Variants in OOSP4A observed in about 807,000 individuals in gnomAD.
OOSP4A encodes the protein oocyte-secreted protein 4A.
At chr11:59,969,873 T>C (rs1196710435) in intron 4 of OOSP4A, among the ~76,000 whole-genome samples, 176 bp from the exon 5 acceptor site, 4 of 152,222 alleles carry the variant, frequency 2.6e-5, no homozygotes, top group Non-Finnish European at 5.9e-5. Context: ...TATGTGTGTA[T>C]ACATGTGTAT....
chr11:59,970,088 T>G, exon 5 of OOSP4A: 1 of 398,218 alleles, frequency 2.5e-6, no homozygotes, highest in Non-Finnish European at 4.4e-6. Context: ...TTGTATCCCT[T>G]CCTAAGTGTA....
At chr11:59,964,148 CTT>C (rs397848906) in intron 1 of OOSP4A, 49 bp downstream of exon 1, 36,481 of 304,366 alleles carry the variant, frequency 0.12, 48 homozygotes, top group East Asian at 0.17. Flanking sequence ...ATCAGCAGGG[CTT>C]TTTTTTTTTT....
intron 2 of OOSP4A, among the ~76,000 whole-genome samples, chr11:59,966,339 C>T (rs1408694694): frequency 7.1e-6 from 1 of 141,666 alleles, no homozygotes; most frequent in East Asian, 2.0e-4. Flanking sequence ...TCTCTAGTCT[C>T]AAAAAAAAAA....
chr11:59,968,534 A>G (rs946625373), intron 3 of OOSP4A, among the ~76,000 whole-genome samples: 2 of 152,176 alleles, frequency 1.3e-5, no homozygotes, highest in African/African-American at 2.4e-5. Flanking sequence ...AATACAGCTA[A>G]AATGTTGATA....
intron 2 of OOSP4A, among the ~76,000 whole-genome samples, chr11:59,966,697 A>G (rs1488732130): frequency 6.6e-6 from 1 of 152,208 alleles, no homozygotes; most frequent in Admixed American, 6.5e-5. Context: ...GATGGTCTCA[A>G]TCTCTTGACC....
downstream of OOSP4A, chr11:59,970,211 T>C (rs1854140741): frequency 2.5e-6 from 1 of 396,202 alleles, no homozygotes; most frequent in Admixed American, 4.4e-5. Flanking sequence ...GATATTGTCT[T>C]TTATCATTTC....
At chr11:59,969,484 A>G (rs73493154) in intron 4 of OOSP4A, among the ~76,000 whole-genome samples, 200 bp downstream of exon 4, 4,151 of 152,310 alleles carry the variant, frequency 0.027, 193 homozygotes, top group African/African-American at 0.092. Flanking sequence ...ATTTCCTTAC[A>G]TAAAACAGAT....
intron 1 of OOSP4A, 58 bp downstream of exon 1, chr11:59,964,157 T>C (rs1490933577): frequency 7.6e-6 from 3 of 396,812 alleles, no homozygotes; most frequent in Non-Finnish European, 1.3e-5. Flanking sequence ...GCTTTTTTTT[T>C]TTTTTTTTTT....
intron 4 of OOSP4A, among the ~76,000 whole-genome samples, chr11:59,969,791 G>A (rs2134587794): frequency 6.6e-6 from 1 of 152,174 alleles, no homozygotes; most frequent in South Asian, 2.1e-4. Flanking sequence ...ACTTCAGATG[G>A]TGTCCTCATG....
chr11:59,967,127 T>G (rs531615619), exon 3 of OOSP4A: 1 of 398,226 alleles, frequency 2.5e-6, no homozygotes, highest in Non-Finnish European at 4.4e-6. Flanking sequence ...GAATTTTGAC[T>G]TCAATTTACA....
At chr11:59,964,456 G>C (rs566679841) in intron 1 of OOSP4A, among the ~76,000 whole-genome samples, 2 of 152,148 alleles carry the variant, frequency 1.3e-5, no homozygotes, top group East Asian at 3.9e-4. Flanking sequence ...CCTAAGAGAG[G>C]AGGTTACCTA....
At chr11:59,970,007 C>A in intron 4 of OOSP4A, 42 bp from the exon 5 acceptor site, 1 of 397,564 alleles carries the variant, frequency 2.5e-6, no homozygotes, top group South Asian at 1.3e-4. Context: ...GGTAGTTTCC[C>A]ATCAGTACAA....
At chr11:59,965,782 AAAAC>A in intron 2 of OOSP4A, 69 bp downstream of exon 2, 1 of 397,632 alleles carries the variant, frequency 2.5e-6, no homozygotes. Context: ...ACCAATGACT[AAAAC>A]TGCAGTATTC....
In OOSP4A at chr11:59,964,116, A is replaced by G. The variant is rs191055631; in HGVS notation, c.67+17A>G. The G allele has an allele frequency of 1.6e-5, 6 of 375,688 alleles. No homozygotes were observed. The East Asian group carries it at 2.2e-4, about 14-fold the overall frequency. 23.3% of individuals were successfully genotyped at this position (375,688 alleles called of 1,614,324 possible). A position where few individuals can be genotyped will look rare whatever the true frequency, so the allele number is the denominator to read the frequency against. On this transcript the variant is annotated intron_variant, in intron 1 of 4. Coordinates refer to ENST00000645590, the Ensembl canonical transcript of OOSP4A. ...TCCAAGATTGTAAGAAAAAGAGGGA[A>G]TTTTTGGAGGTGGCAATTTCAATCA... is the stretch of plus-strand genomic sequence containing the variant.
chr11:59,965,977 T>TTTG (rs547388889), intron 2 of OOSP4A, among the ~76,000 whole-genome samples: 1,590 of 152,226 alleles, frequency 0.01, 30 homozygotes, highest in African/African-American at 0.035. Context: ...TAGTGTTTTT[T>TTTG]TTGTTGTTGT....
intron 4 of OOSP4A, among the ~76,000 whole-genome samples, 175 bp from the exon 5 acceptor site, chr11:59,969,874 A>G (rs1234471462): frequency 6.6e-6 from 1 of 152,212 alleles, no homozygotes; most frequent in African/African-American, 2.4e-5. Context: ...ATGTGTGTAT[A>G]CATGTGTATA....
At chr11:59,965,588 C>T (rs1854090765) in exon 2 of OOSP4A, 2 of 398,422 alleles carry the variant, frequency 5.0e-6, no homozygotes, top group Non-Finnish European at 4.4e-6. Context: ...ACGAACGCCG[C>T]TGTTAAATGA....
chr11:59,967,803 C>T lies in OOSP4A; in HGVS notation c.344+639C>T, dbSNP rs76500516. On this transcript the variant is annotated intron_variant, in intron 3 of 4. Coordinates refer to ENST00000645590, the Ensembl canonical transcript of OOSP4A. ...GAGGCAATTCTGCTTGTGGTCAAATCCCTGGTTGAGCTGTTCACAAGGCCC... is the reference window on the plus strand; with the variant it reads ...GAGGCAATTCTGCTTGTGGTCAAATTCCTGGTTGAGCTGTTCACAAGGCCC... Among the ~76,000 whole-genome samples, 174 of 152,124 alleles carry T rather than the reference C, an allele frequency of 1.1e-3. 3 individuals are homozygous for T. The East Asian group carries it at 0.031, about 27-fold the overall frequency.
chr11:59,969,961 G>A lies in OOSP4A; in HGVS notation c.480-88G>A, dbSNP rs116158560. 871 of 395,330 alleles carry A rather than the reference G, an allele frequency of 2.2e-3. 9 individuals are homozygous for A. The highest frequency in any genetic ancestry group is 0.016 in the African/African-American group (785 of 48,598). 24.5% of individuals were successfully genotyped at this position (395,330 alleles called of 1,614,324 possible). A position where few individuals can be genotyped will look rare whatever the true frequency, so the allele number is the denominator to read the frequency against. On this transcript the variant is annotated intron_variant, in intron 4 of 4. Coordinates refer to ENST00000645590, the Ensembl canonical transcript of OOSP4A. ...TTTAAAATTGATGCCTTTTTCCCAC[G>A]TTCCCACTTTGTTGAGCCTCAGTGG...
Sources: gnomAD v4.1 joint callset for allele counts (sites outside exome capture counted in the v4.1 genomes callset) on GRCh38, gnomAD v4.1.1 for gene constraint, MANE v1.5 for transcripts, NCBI Gene and HGNC (gene_info 2026-07-23, HGNC 2026-07-21) for gene names.